The following TENM3 variants were observed in gnomAD, a reference collection of about 807,000 sequenced individuals.
TENM3 encodes the protein teneurin transmembrane protein 3.
TENM3 carries 63 observed loss-of-function variants against 255.1 expected under a neutral mutation model. The ratio of observed to expected loss-of-function variants is 0.25; its 90% CI spans 0.20 to 0.30. The LOEUF (loss-of-function observed/expected upper bound fraction) is 0.30. Ranked by LOEUF, TENM3 falls within the 10% of genes least tolerant of loss-of-function variation. The pLI is 1.00. For synonymous variants in TENM3, 1,306 were observed against 1,322.3 expected (o/e 0.99, Z 0.27); for missense variants, 2,929 against 3,461.1 (o/e 0.85, Z 3.86).
the TENM3 span, among the ~76,000 whole-genome samples, chr4:181,929,401 A>G: frequency 2.0e-5 from 3 of 152,164 alleles, no homozygotes; most frequent in Non-Finnish European, 4.4e-5. Flanking sequence ...GGTAAAACAG[A>G]CTTTAAACCA....
the TENM3 span, among the ~76,000 whole-genome samples, chr4:182,091,507 C>G: frequency 1.3e-5 from 2 of 152,150 alleles, no homozygotes; most frequent in Admixed American, 1.3e-4. Context: ...GTTTTGAGAT[C>G]TAGGAGCTCA....
chr4:181,614,395 A>C, the TENM3 span, among the ~76,000 whole-genome samples: 1 of 152,160 alleles, frequency 6.6e-6, no homozygotes, highest in Non-Finnish European at 1.5e-5. Context: ...GTAATTTTTA[A>C]ATCACCAGAC....
chr4:181,510,613 T>C, the TENM3 span, among the ~76,000 whole-genome samples: 1 of 152,138 alleles, frequency 6.6e-6, no homozygotes, highest in Non-Finnish European at 1.5e-5. Context: ...GTGTCAGACA[T>C]CCTCATAAAC....
the TENM3 span, among the ~76,000 whole-genome samples, chr4:182,091,297 A>G: frequency 6.6e-6 from 1 of 152,212 alleles, no homozygotes; most frequent in East Asian, 1.9e-4. Context: ...AACAAAAAGT[A>G]TACTAGGGAT....
the TENM3 span, among the ~76,000 whole-genome samples, chr4:181,922,845 C>A: frequency 4.6e-5 from 7 of 151,762 alleles, no homozygotes; most frequent in Non-Finnish European, 7.4e-5. Context: ...AATTTTGGAT[C>A]TTTCCTGCTT....
intron 1 of TENM3, among the ~76,000 whole-genome samples, chr4:182,147,810 G>A (rs1750071203): frequency 1.3e-5 from 2 of 152,106 alleles, no homozygotes; most frequent in Admixed American, 6.5e-5. Context: ...TAGTTGCCTT[G>A]TAAAGTGGAA....
At chr4:182,449,393 T>C (rs993870205) in intron 3 of TENM3, among the ~76,000 whole-genome samples, 16 of 152,164 alleles carry the variant, frequency 1.1e-4, no homozygotes, top group Non-Finnish European at 1.5e-4. Context: ...TCGATGACTC[T>C]TCGTCACCCG....
the TENM3 span, among the ~76,000 whole-genome samples, chr4:181,840,170 A>C: frequency 6.6e-6 from 1 of 151,998 alleles, no homozygotes; most frequent in Admixed American, 6.6e-5. Context: ...GGTGTGTCTA[A>C]ACTACAGTTC....
chr4:182,536,782 C>T (rs1740370399), intron 3 of TENM3, among the ~76,000 whole-genome samples: 1 of 152,178 alleles, frequency 6.6e-6, no homozygotes, highest in Non-Finnish European at 1.5e-5. Flanking sequence ...CCTTCTTACC[C>T]CATATCCATG....
the TENM3 span, among the ~76,000 whole-genome samples, chr4:181,888,532 A>ATATATATG: frequency 1.3e-3 from 106 of 78,718 alleles, 2 homozygotes; most frequent in African/African-American, 4.4e-3. Flanking sequence ...ATATACATAT[A>ATATATATG]TGTGTATATA....
At chr4:181,742,499 A>G in the TENM3 span, among the ~76,000 whole-genome samples, 1 of 152,100 alleles carries the variant, frequency 6.6e-6, no homozygotes, top group South Asian at 2.1e-4. Context: ...TTTTTTAAAA[A>G]AGACTTTCTG....
the TENM3 span, among the ~76,000 whole-genome samples, chr4:181,551,807 AATATAT>A: frequency 0.35 from 49,663 of 140,700 alleles, 9,053 homozygotes; most frequent in Middle Eastern, 0.4. Context: ...GGCAGTTAAT[AATATAT>A]ATATATATAT....
the TENM3 span, among the ~76,000 whole-genome samples, chr4:181,882,272 A>G: frequency 1.3e-5 from 2 of 152,228 alleles, no homozygotes; most frequent in African/African-American, 2.4e-5. Context: ...TGGATTAATT[A>G]TTCCTCTACA....
intron 16 of TENM3, 35 bp downstream of exon 16, chr4:182,731,174 A>G (rs756712156): frequency 6.3e-7 from 1 of 1,597,504 alleles, no homozygotes; most frequent in Non-Finnish European, 8.5e-7. Flanking sequence ...TTGTAAATAC[A>G]AGATCTTCAG....
At chr4:182,397,222 G>A (rs1300781453) in intron 3 of TENM3, among the ~76,000 whole-genome samples, 1 of 132,532 alleles carries the variant, frequency 7.5e-6, no homozygotes, top group Non-Finnish European at 1.6e-5. Context: ...CAAGTAAGAA[G>A]TAGTTTTTAA....
the TENM3 span, among the ~76,000 whole-genome samples, chr4:181,792,370 C>A: frequency 1.3e-5 from 2 of 152,226 alleles, no homozygotes; most frequent in East Asian, 3.9e-4. Context: ...TAAGGAAATT[C>A]TCTGAACAAA....
the TENM3 span, among the ~76,000 whole-genome samples, chr4:181,786,871 T>G: frequency 6.6e-6 from 1 of 152,096 alleles, no homozygotes; most frequent in Admixed American, 6.6e-5. Context: ...TAGAGCTTGC[T>G]GAGCCCCAAC....
chr4:182,682,037 A>C, intron 11 of TENM3, 23 bp downstream of exon 11: 1 of 1,598,584 alleles, frequency 6.3e-7, no homozygotes, highest in Admixed American at 1.7e-5. Context: ...AATGCAGTAC[A>C]ATCGAGTTGC....
the TENM3 span, among the ~76,000 whole-genome samples, chr4:181,565,735 T>G: frequency 6.6e-6 from 1 of 152,228 alleles, no homozygotes; most frequent in Non-Finnish European, 1.5e-5. Context: ...GCTAGAATGA[T>G]TTCATGCTAG....
Sources: allele counts gnomAD v4.1 joint callset (sites outside exome capture counted in the v4.1 genomes callset), GRCh38; gene constraint gnomAD v4.1.1; transcripts MANE v1.5; gene names NCBI Gene and HGNC (gene_info 2026-07-23, HGNC 2026-07-21).